The following THSD7A variants were observed in gnomAD, a reference collection of about 807,000 sequenced individuals.
THSD7A encodes thrombospondin type 1 domain containing 7A.
A neutral mutation model predicts 231.3 loss-of-function variants in THSD7A; 96 were observed. That is an observed-to-expected ratio of 0.41 (90% CI 0.35 to 0.49). The LOEUF is 0.49. THSD7A is among the 20% of genes least tolerant of loss of function. THSD7A has a pLI of 0.05. For missense variants in THSD7A, 2,290 were observed against 2,070.2 expected (o/e 1.11, Z -2.06); for synonymous variants, 940 against 743.3 (o/e 1.26, Z -4.30).
chr7:11,793,320 T>C lies in THSD7A; in HGVS notation c.190+38437A>G, dbSNP rs188890135. ...GAAGAAAATCTGCAAATAATTCTTC[T>C]AGTAGGTAATAGAAAAATATAAAGG... On this transcript the variant is annotated intron_variant, in intron 1 of 27. Transcript: ENST00000423059. 3.5e-3 allele frequency among the ~76,000 whole-genome samples: 536 copies of C among 152,064 alleles called. 1 individual carries two copies. The highest frequency in any genetic ancestry group is 6.8e-3 in the Middle Eastern group (2 of 294).
At chr7:11,761,991 G>A (rs2128168431) in intron 1 of THSD7A, among the ~76,000 whole-genome samples, 1 of 152,170 alleles carries the variant, frequency 6.6e-6, no homozygotes, top group Admixed American at 6.6e-5. Context: ...TTATAACTGA[G>A]AACATGTAGA....
intron 1 of THSD7A, among the ~76,000 whole-genome samples, chr7:11,823,426 G>A (rs1040728207): frequency 3.4e-4 from 52 of 152,000 alleles, no homozygotes; most frequent in African/African-American, 1.1e-3. Context: ...GGATTGCTCT[G>A]GCTATTTGGG....
intron 2 of THSD7A, among the ~76,000 whole-genome samples, chr7:11,627,659 A>C (rs2128356264): frequency 6.6e-6 from 1 of 152,256 alleles, no homozygotes; most frequent in African/African-American, 2.4e-5. Flanking sequence ...CATAAGTTTG[A>C]AGATAAAGAT....
chr7:11,522,120 T>G (rs925288553), intron 6 of THSD7A, among the ~76,000 whole-genome samples: 1 of 152,136 alleles, frequency 6.6e-6, no homozygotes, highest in African/African-American at 2.4e-5. Flanking sequence ...CATTCATGAC[T>G]GTGTGAGGGA....
intron 4 of THSD7A, among the ~76,000 whole-genome samples, chr7:11,579,337 T>A (rs1282668625): frequency 1.3e-5 from 2 of 152,180 alleles, no homozygotes; most frequent in Non-Finnish European, 2.9e-5. Context: ...ACAAACCATT[T>A]CTTTTACATC....
chr7:11,433,614 C>A (rs1008724186), intron 13 of THSD7A, among the ~76,000 whole-genome samples: 1 of 151,946 alleles, frequency 6.6e-6, no homozygotes, highest in Non-Finnish European at 1.5e-5. Flanking sequence ...ATAAGAATTG[C>A]ATTTTCCCAC....
At chr7:11,561,126 G>A (rs1790059303) in intron 4 of THSD7A, among the ~76,000 whole-genome samples, 1 of 152,112 alleles carries the variant, frequency 6.6e-6, no homozygotes, top group Non-Finnish European at 1.5e-5. Context: ...ATAGTCTTCA[G>A]TGTGTATGTA....
At chr7:11,718,176 C>T (rs1220244223) in intron 1 of THSD7A, among the ~76,000 whole-genome samples, 8 of 151,552 alleles carry the variant, frequency 5.3e-5, no homozygotes, top group African/African-American at 1.9e-4. Flanking sequence ...TATAGTATAG[C>T]AAATGCAAAA....
intron 2 of THSD7A, among the ~76,000 whole-genome samples, chr7:11,613,574 C>T (rs1035189956): frequency 1.3e-5 from 2 of 152,094 alleles, no homozygotes; most frequent in South Asian, 2.1e-4. Context: ...TTTCAGTGTT[C>T]GTTCATGGAA....
intron 11 of THSD7A, among the ~76,000 whole-genome samples, chr7:11,447,919 G>T (rs1013129534): frequency 1.3e-5 from 2 of 152,108 alleles, no homozygotes; most frequent in Non-Finnish European, 2.9e-5. Flanking sequence ...TGGTAGGTTG[G>T]AGTTTGGGGT....
At chr7:11,490,925 T>C (rs913251139) in intron 6 of THSD7A, among the ~76,000 whole-genome samples, 3 of 152,122 alleles carry the variant, frequency 2.0e-5, no homozygotes, top group Non-Finnish European at 4.4e-5. Flanking sequence ...ACATAAAGTT[T>C]GTTCAATATG....
chr7:11,480,803 T>C (rs772155603), intron 7 of THSD7A, among the ~76,000 whole-genome samples: 2 of 151,982 alleles, frequency 1.3e-5, no homozygotes, highest in African/African-American at 2.4e-5. Context: ...AAATACTTCA[T>C]GAACAGAAAA....
At chr7:11,536,016 A>C (rs1453619779) in intron 6 of THSD7A, among the ~76,000 whole-genome samples, 2 of 152,338 alleles carry the variant, frequency 1.3e-5, no homozygotes, top group Admixed American at 1.3e-4. Flanking sequence ...AATATTTATA[A>C]ATGTGCTCTT....
At chr7:11,438,153 T>A (rs1385627789) in intron 13 of THSD7A, among the ~76,000 whole-genome samples, 5 of 152,056 alleles carry the variant, frequency 3.3e-5, no homozygotes, top group Non-Finnish European at 7.4e-5. Flanking sequence ...CAGTAGCTAG[T>A]AATGGTCATT....
At chr7:11,536,227 G>A (rs987384124) in intron 6 of THSD7A, among the ~76,000 whole-genome samples, 1 of 152,100 alleles carries the variant, frequency 6.6e-6, no homozygotes, top group African/African-American at 2.4e-5. Context: ...ATTCTCGTGG[G>A]CCCAGAAGAC....
At chr7:11,750,558 T>C (rs536239938) in intron 1 of THSD7A, among the ~76,000 whole-genome samples, 16 of 152,086 alleles carry the variant, frequency 1.1e-4, no homozygotes, top group African/African-American at 3.6e-4. Context: ...AATAGTCTGA[T>C]TTGCAGACAC....
intron 1 of THSD7A, chr7:11,820,658 C>A: frequency 1.2e-6 from 1 of 805,494 alleles, no homozygotes; most frequent in Non-Finnish European, 2.2e-6. Flanking sequence ...TCCTCTTTCA[C>A]TTGGACCCAC....
rs1783591755 is a variant in THSD7A at position 11,406,624 on chromosome 7, G to A, written c.4063-150C>T. 1.1e-6 allele frequency: 1 copy of A among 885,714 alleles called. No individual in the cohort carries two copies. Among genetic ancestry groups the A allele is most frequent in the Non-Finnish European group, 1.7e-6 (1 of 599,746 alleles). The allele number at this position is 885,714 out of a possible 1,614,324, so 54.9% of individuals were successfully genotyped here. ...AGGGAAGAAGCCCTATAGGGCACTA[G>A]CAATAAAGCATACATTGAACAATTT... is the stretch of plus-strand genomic sequence containing the variant. On this transcript the variant is annotated intron_variant, in intron 21 of 27. Transcript: ENST00000423059. This position sits in a 1 kb window ranked among gnomAD's most constrained non-coding sequence, Gnocchi z 4.7.
chr7:11,590,484 A>T lies in THSD7A; in HGVS notation c.1429T>A (p.Leu477Ile). 1.2e-6 allele frequency: 2 copies of T among 1,612,688 alleles called. No individual in the cohort carries two copies. The highest frequency in any genetic ancestry group is 2.2e-5 in the South Asian group (2 of 90,886). The change falls in exon 4 of 28, where the codon TTA (leucine) becomes ATA (isoleucine). Residue 477 changes from leucine (L) to isoleucine (I), a missense_variant. By Grantham distance (5) the Leu-to-Ile change is conservative. Transcript: ENST00000423059. The surrounding 1 kb of genome is among the most constrained non-coding windows in gnomAD (Gnocchi z 4.4). Reference sequence around the variant, plus strand: ...CCTTCTTTGTTCTTGTGGGTACTTAATTGTGAGAGGAGGTTTTCGTTGGCC... The same window carrying T: ...CCTTCTTTGTTCTTGTGGGTACTTATTTGTGAGAGGAGGTTTTCGTTGGCC... Reference protein sequence around the residue: ...VQANENLLSQLSTHKNKEASK... With the variant: ...VQANENLLSQISTHKNKEASK...
Sources: allele counts gnomAD v4.1 joint callset (sites outside exome capture counted in the v4.1 genomes callset), GRCh38; gene constraint gnomAD v4.1.1; non-coding constraint Gnocchi (gnomAD v3.1); transcripts MANE v1.5; gene names NCBI Gene and HGNC (gene_info 2026-07-23, HGNC 2026-07-21).